SCTR: variants seen among roughly 807,000 people sequenced by gnomAD.
The protein encoded by SCTR is pancreatic secretin receptor.
Under a neutral mutation model 60.8 loss-of-function variants are expected in SCTR, and 56 were observed. The ratio of observed to expected loss-of-function variants is 0.92; its 90% CI spans 0.74 to 1.15. The LOEUF (loss-of-function observed/expected upper bound fraction) is 1.15. Ranked by LOEUF, SCTR falls within the 50% of genes most tolerant of loss-of-function variation. The pLI, the probability that SCTR is intolerant of heterozygous loss-of-function variation, is 0.00. For synonymous variants in SCTR, 202 were observed against 217.0 expected, an observed-to-expected ratio of 0.93 and a Z score of 0.61; for missense variants, 562 against 550.4, an observed-to-expected ratio of 1.02 and a Z score of -0.21.
At chr2:119,457,697 G>A (rs1225612378) in intron 7 of SCTR, among the ~76,000 whole-genome samples, 2 of 152,064 alleles carry the variant, frequency 1.3e-5, no homozygotes, top group African/African-American at 4.8e-5. Flanking sequence ...TGGGCCAAGA[G>A]AGTGAGATCC....
At chr2:119,487,938 C>T (rs923069253) in intron 2 of SCTR, among the ~76,000 whole-genome samples, 2 of 152,270 alleles carry the variant, frequency 1.3e-5, no homozygotes, top group East Asian at 1.9e-4. Context: ...GATAGAGTCT[C>T]GGTGCTGGGA....
At chr2:119,523,381 C>A (rs894677618) in intron 1 of SCTR, among the ~76,000 whole-genome samples, 1 of 148,666 alleles carries the variant, frequency 6.7e-6, no homozygotes, top group Non-Finnish European at 1.5e-5. Context: ...AACAAACCAC[C>A]CATCCTGCCG....
intron 11 of SCTR, among the ~76,000 whole-genome samples, chr2:119,446,056 G>A (rs13417522): frequency 0.02 from 3,019 of 152,322 alleles, 110 homozygotes; most frequent in African/African-American, 0.066. Context: ...GCCCAAACAC[G>A]TTTACTGTTG....
intron 9 of SCTR, among the ~76,000 whole-genome samples, chr2:119,449,786 G>A (rs953907320): frequency 1.3e-5 from 2 of 152,170 alleles, no homozygotes; most frequent in African/African-American, 4.8e-5. Flanking sequence ...TCCTGGCCCA[G>A]CACTGCTTTT....
At chr2:119,516,465 GA>G (rs1679119816) in intron 1 of SCTR, among the ~76,000 whole-genome samples, 1 of 151,706 alleles carries the variant, frequency 6.6e-6, no homozygotes, top group South Asian at 2.1e-4. Flanking sequence ...GCTGGTCACA[GA>G]AAGAAAAATA....
rs201891288 is a variant in SCTR at position 119,462,015 on chromosome 2, G to A, written c.637-15C>T. On this transcript the variant is annotated splice_polypyrimidine_tract_variant and intron_variant, in intron 6 of 12. Coordinates refer to ENST00000019103, the MANE Select transcript of SCTR (RefSeq NM_002980.3). ...TTGCAGCCCGCCTGGAGAGAGAGAG[G>A]CAGCTGAACCCAGGCCGGGTGGCAG... 8 of 1,587,274 alleles carry A rather than the reference G, an allele frequency of 5.0e-6. No individual in the cohort carries two copies. The highest frequency in any genetic ancestry group is 4.0e-5 in the African/African-American group (3 of 74,086).
At chr2:119,489,267 G>A (rs1327457889) in intron 2 of SCTR, among the ~76,000 whole-genome samples, 1 of 152,214 alleles carries the variant, frequency 6.6e-6, no homozygotes, top group African/African-American at 2.4e-5. Context: ...GGCAGCTGGT[G>A]GCATTTGTGT....
chr2:119,519,631 C>T (rs1482383229), intron 1 of SCTR, among the ~76,000 whole-genome samples: 2 of 151,240 alleles, frequency 1.3e-5, no homozygotes, highest in African/African-American at 4.9e-5. Flanking sequence ...GTGGTGAAAC[C>T]CCATCTCTAC....
chr2:119,455,152 G>A (rs1683326185), intron 7 of SCTR, among the ~76,000 whole-genome samples: 1 of 152,110 alleles, frequency 6.6e-6, no homozygotes, highest in Admixed American at 6.5e-5. Flanking sequence ...TCTACTGAAT[G>A]GGCTTCTACC....
intron 1 of SCTR, among the ~76,000 whole-genome samples, chr2:119,520,918 C>T (rs905169913): frequency 6.6e-6 from 1 of 152,174 alleles, no homozygotes; most frequent in African/African-American, 2.4e-5. Flanking sequence ...CAACGGTTCT[C>T]AAGCAGGGGC....
intron 5 of SCTR, among the ~76,000 whole-genome samples, chr2:119,464,721 T>G (rs1002106945): frequency 6.6e-6 from 1 of 152,096 alleles, no homozygotes; most frequent in African/African-American, 2.4e-5. Context: ...AGAGCAAGAC[T>G]TTGTCTCTAA....
chr2:119,484,724 A>G (rs1194349414), intron 2 of SCTR: 1 of 152,048 alleles, frequency 6.6e-6, no homozygotes. Flanking sequence ...CTCAGATTGA[A>G]GTCACAGAGA....
chr2:119,481,999 T>C (rs1163044172), intron 2 of SCTR, among the ~76,000 whole-genome samples: 2 of 151,834 alleles, frequency 1.3e-5, no homozygotes, highest in East Asian at 3.9e-4. Context: ...TGTGCCTGGC[T>C]CTACCCCCAC....
intron 1 of SCTR, among the ~76,000 whole-genome samples, chr2:119,507,155 T>C (rs1470062859): frequency 6.6e-6 from 1 of 152,208 alleles, no homozygotes; most frequent in East Asian, 1.9e-4. Context: ...AGGTAAAGTA[T>C]GTTGAGTCCA....
intron 11 of SCTR, among the ~76,000 whole-genome samples, chr2:119,442,337 A>C (rs760380615): frequency 3.3e-5 from 5 of 152,210 alleles, no homozygotes; most frequent in Non-Finnish European, 7.3e-5. Context: ...ATCAGCAGGA[A>C]GCAGTGTCTC....
intron 1 of SCTR, among the ~76,000 whole-genome samples, chr2:119,514,275 AC>A (rs1679045320): frequency 6.6e-6 from 1 of 152,142 alleles, no homozygotes; most frequent in African/African-American, 2.4e-5. Flanking sequence ...CACTGATTAG[AC>A]CAAAGGAGAA....
At chr2:119,462,719 G>A (rs530501796) in intron 6 of SCTR, among the ~76,000 whole-genome samples, 1 of 152,292 alleles carries the variant, frequency 6.6e-6, no homozygotes, top group Non-Finnish European at 1.5e-5. Flanking sequence ...GTCCCCTGGG[G>A]ATGGGACAGC....
At position 119,524,257 on chromosome 2, in the gene SCTR, A is replaced by C; in HGVS notation, c.-31T>G. 2 of 1,397,552 alleles carry C rather than the reference A, an allele frequency of 1.4e-6. No homozygotes were observed. The highest frequency in any genetic ancestry group is 1.9e-6 in the Non-Finnish European group (2 of 1,069,370). 86.6% of individuals were successfully genotyped at this position (1,397,552 alleles called of 1,614,324 possible). A position where few individuals can be genotyped will look rare whatever the true frequency, so the allele number is the denominator to read the frequency against. ...CCGCACGTTCCCCGAGGGCGCCCCG[A>C]CGTCCGCCTGCCCGTGCCCTCTGCC... On this transcript the variant is annotated 5_prime_UTR_variant, in exon 1 of 13. Coordinates refer to ENST00000019103, the MANE Select transcript of SCTR (RefSeq NM_002980.3).
At chr2:119,465,113 G>T (rs568431471) in intron 5 of SCTR, among the ~76,000 whole-genome samples, 2 of 152,312 alleles carry the variant, frequency 1.3e-5, no homozygotes, top group East Asian at 3.9e-4. Context: ...CAATCAGAGT[G>T]CTCCATCGCT....
Sources: gnomAD v4.1 joint callset for allele counts (sites outside exome capture counted in the v4.1 genomes callset) on GRCh38, gnomAD v4.1.1 for gene constraint, MANE v1.5 for transcripts, NCBI Gene and HGNC (gene_info 2026-07-23, HGNC 2026-07-21) for gene names.